SPTAN1: variants seen among roughly 807,000 people sequenced by gnomAD.
The protein encoded by SPTAN1 is spectrin alpha chain, non-erythrocytic 1.
SPTAN1 carries 61 observed loss-of-function variants against 331.3 expected under a neutral mutation model. The ratio of observed to expected loss-of-function variants is 0.18; its 90% CI spans 0.15 to 0.23. SPTAN1 has a LOEUF of 0.23. Among genes scored for constraint, SPTAN1 ranks in the 10% least tolerant of loss-of-function variants. The pLI, the probability that SPTAN1 is intolerant of heterozygous loss-of-function variation, is 1.00. For synonymous variants in SPTAN1, 1,153 were observed against 1,173.9 expected (o/e 0.98, Z 0.36); for missense variants, 2,043 against 3,147.9 (o/e 0.65, Z 8.40).
At chr9:128,608,746 G>C in intron 34 of SPTAN1, 128 bp from the exon 35 acceptor site, 2 of 886,438 alleles carry the variant, frequency 2.3e-6, no homozygotes, top group South Asian at 2.6e-5. Context: ...TAAAGTGTCA[G>C]TGTATTCTGA....
At chr9:128,566,137 G>T (rs765818630) in intron 1 of SPTAN1, among the ~76,000 whole-genome samples, 4 of 152,180 alleles carry the variant, frequency 2.6e-5, no homozygotes, top group Admixed American at 1.3e-4. Context: ...GCTCACTGCA[G>T]TCTTGAACTC....
At chr9:128,605,228 A>G (rs757448779) in intron 30 of SPTAN1, 50 bp downstream of exon 30, 2 of 1,614,132 alleles carry the variant, frequency 1.2e-6, no homozygotes, top group South Asian at 1.1e-5. Context: ...CCCCAGAAAG[A>G]GCAGAGTCTT....
rs142110449 is a variant in SPTAN1, at chr9:128,588,771, G to A, written c.2872-38G>A. 1.2e-4 allele frequency: 188 copies of A among 1,612,722 alleles called. No individual in the cohort carries two copies. In the African/African-American group the frequency reaches 1.9e-3, roughly 17 times the overall value. On this transcript the variant is annotated intron_variant, in intron 20 of 56. Coordinates refer to ENST00000372739, the MANE Select transcript of SPTAN1 (RefSeq NM_001130438.3). ...TGTACTTAGATGACTCAGCGCGGAC[G>A]TGTTTTTACCATGTTTGCCCTTCCT...
At chr9:128,630,067 G>A in intron 51 of SPTAN1, 1 of 663,488 alleles carries the variant, frequency 1.5e-6, no homozygotes, top group East Asian at 3.0e-5. Flanking sequence ...TCCTGGCCTT[G>A]GGAGCAAGAC....
At position 128,628,150 on chromosome 9, in the gene SPTAN1, C is replaced by T. The variant is rs760963985; in HGVS notation, c.6707+208C>T. The T allele has an allele frequency of 3.3e-4, 244 of 748,468 alleles. 1 individual carries two copies. Among genetic ancestry groups the T allele is most frequent in the Non-Finnish European group, 5.3e-4 (220 of 416,346 alleles). 46.4% of individuals were successfully genotyped at this position (748,468 alleles called of 1,614,324 possible). ...CCTGGTCCCCGATAGAGCCTTCAAG[C>T]CAGGGGGAGCCGTCCTTGCCTCACT... On this transcript the variant is annotated intron_variant, in intron 51 of 56. Coordinates refer to ENST00000372739, the MANE Select transcript of SPTAN1 (RefSeq NM_001130438.3).
intron 2 of SPTAN1, among the ~76,000 whole-genome samples, chr9:128,567,523 A>C (rs1850178601): frequency 6.6e-6 from 1 of 152,032 alleles, no homozygotes; most frequent in African/African-American, 2.4e-5. Flanking sequence ...AACTGACCTC[A>C]GGTGATCCAC....
In SPTAN1 at chr9:128,630,329, T is replaced by A; in HGVS notation, c.6716T>A (p.Met2239Lys). Residue 2239 changes from methionine to lysine, a missense_variant, in exon 52 of 57, where the codon ATG becomes AAG. Met to Lys is a moderately conservative substitution (Grantham distance 95, BLOSUM62 -1). This residue lies in a region of SPTAN1 where 256 missense variants were observed against 376.4 expected (regional missense o/e 0.68). Transcript: ENST00000372739. ...TGTCCTTCCACGTTTAGGTCCTGTA[T>A]GGTGGAAGAGTCGGGGACCCTCGAA... ...TRTYLLDGSC[M>K]VEESGTLESQ... 6.2e-7 allele frequency: 1 copy of A among 1,613,468 alleles called. No homozygotes were observed. Among genetic ancestry groups the A allele is most frequent in the Non-Finnish European group, 8.5e-7 (1 of 1,179,994 alleles).
rs373990901 is a variant in SPTAN1 at position 128,632,330 on chromosome 9, G to A, written c.6959+7G>A. On this transcript the variant is annotated splice_region_variant and intron_variant, in intron 53 of 56. Coordinates refer to ENST00000372739, the MANE Select transcript of SPTAN1 (RefSeq NM_001130438.3). The stretch of plus-strand genomic sequence containing the variant: ...AGCAGCAGATCCAGGCCAGGTACCC[G>A]GGAGGGCTGTGGGCCAGGCTCAGCC... 1.7e-5 allele frequency: 27 copies of A among 1,613,366 alleles called. No individual in the cohort carries two copies. Among genetic ancestry groups the A allele is most frequent in the African/African-American group, 8.0e-5 (6 of 74,944 alleles).
Position 128,613,291 on chromosome 9 carries a change from C to G in SPTAN1, c.5044-90C>G, listed in dbSNP as rs1175874324. ...GAAGTATTCAACTGTCCAAGCAAGGCCCTGGAATAGCCACTGGGCAACCTG... is the reference window on the plus strand; with the variant it reads ...GAAGTATTCAACTGTCCAAGCAAGGGCCTGGAATAGCCACTGGGCAACCTG... On this transcript the variant is annotated intron_variant, in intron 39 of 56. Transcript: ENST00000372739. 3 of 999,950 alleles carry G rather than the reference C, an allele frequency of 3.0e-6. No homozygotes were observed. The African/African-American group carries it at 4.7e-5, about 16-fold the overall frequency. 61.9% of individuals were successfully genotyped at this position (999,950 alleles called of 1,614,324 possible). A position where few individuals can be genotyped will look rare whatever the true frequency, so the allele number is the denominator to read the frequency against.
At chr9:128,558,662 A>G (rs1422762719) in intron 1 of SPTAN1, among the ~76,000 whole-genome samples, 1 of 152,164 alleles carries the variant, frequency 6.6e-6, no homozygotes, top group African/African-American at 2.4e-5. Flanking sequence ...CGTTAATCCC[A>G]TATGGCTGGG....
chr9:128,592,228 A>G (rs1032151568), intron 22 of SPTAN1, among the ~76,000 whole-genome samples: 1 of 151,534 alleles, frequency 6.6e-6, no homozygotes, highest in African/African-American at 2.4e-5. Context: ...TGTCCACTTT[A>G]TAGATTCTGT....
At chr9:128,630,026 A>G (rs1859438329) in intron 51 of SPTAN1, 3 of 529,918 alleles carry the variant, frequency 5.7e-6, no homozygotes, top group Non-Finnish European at 7.2e-6. Context: ...CCCTGCACCC[A>G]TGGGGGAATT....
chr9:128,600,958 C>T (rs1448768225), intron 27 of SPTAN1, among the ~76,000 whole-genome samples: 1 of 116,754 alleles, frequency 8.6e-6, no homozygotes, highest in African/African-American at 3.1e-5. Flanking sequence ...TCACAGCACA[C>T]AGCCAGGGAG....
intron 1 of SPTAN1, chr9:128,555,239 A>G: frequency 1.4e-6 from 1 of 737,236 alleles, no homozygotes; most frequent in Non-Finnish European, 2.0e-6. Context: ...AATATCTGAA[A>G]TTGGATTTTT....
intron 1 of SPTAN1, 56 bp from the exon 2 acceptor site, chr9:128,566,682 T>C: frequency 6.2e-7 from 1 of 1,613,026 alleles, no homozygotes; most frequent in Non-Finnish European, 8.5e-7. Context: ...GGCTAATTAC[T>C]TTTCATCTAT....
chr9:128,616,064 C>T (rs1324821263), intron 41 of SPTAN1, among the ~76,000 whole-genome samples: 1 of 152,096 alleles, frequency 6.6e-6, no homozygotes, highest in African/African-American at 2.4e-5. Flanking sequence ...CCTGTCTAGA[C>T]CCTGCCTTTT....
Position 128,625,597 on chromosome 9 carries a change from T to C in SPTAN1, c.6070-172T>C, listed in dbSNP as rs986820979. ...GTGGGAGGAGGCTGCCGCAGTGATC[T>C]GCGGTCTGAAGGAGAGCAGGAAAGG... On this transcript the variant is annotated intron_variant, in intron 47 of 56. Coordinates refer to ENST00000372739, the MANE Select transcript of SPTAN1 (RefSeq NM_001130438.3). The surrounding 1 kb of genome is among the most constrained non-coding windows in gnomAD (Gnocchi z 4.1). Among the ~76,000 whole-genome samples the C allele has an allele frequency of 2.2e-4, 34 of 152,124 alleles. No individual in the cohort carries two copies. Among genetic ancestry groups the C allele is most frequent in the Non-Finnish European group, 7.4e-5 (5 of 68,012 alleles).
chr9:128,609,239 G>A lies in SPTAN1; in HGVS notation c.4713G>A (p.Leu1571=). 1 of 1,614,254 alleles carries A rather than the reference G, an allele frequency of 6.2e-7. No homozygotes were observed. Among genetic ancestry groups the A allele is most frequent in the Non-Finnish European group, 8.5e-7 (1 of 1,180,048 alleles). Residue 1571 remains leucine (L), a synonymous_variant, in exon 36 of 57, where the codon TTG becomes TTA. Transcript: ENST00000372739. ...DEIEAWISEK[L]QTASDESYKD... is the part of the protein sequence containing the mutation. The stretch of plus-strand genomic sequence containing the variant: ...TTGAGGCTTGGATCAGTGAAAAATT[G>A]CAAACAGCGAGTGATGAGTCGTACA...
intron 52 of SPTAN1, chr9:128,630,590 T>C (rs914084737): frequency 1.3e-4 from 71 of 534,438 alleles, no homozygotes; most frequent in Admixed American, 5.3e-4. Flanking sequence ...AGTGCAGTGG[T>C]GCGATATTGG....
Sources: allele counts gnomAD v4.1 joint callset (sites outside exome capture counted in the v4.1 genomes callset), GRCh38; gene constraint gnomAD v4.1.1; regional missense constraint gnomAD v4.1.1; non-coding constraint Gnocchi (gnomAD v3.1); transcripts MANE v1.5; gene names NCBI Gene and HGNC (gene_info 2026-07-23, HGNC 2026-07-21).